CBFA2T2: variants seen among roughly 807,000 people sequenced by gnomAD.
The protein encoded by CBFA2T2 is protein CBFA2T2.
In CBFA2T2, 11 loss-of-function variants were observed where a neutral mutation model predicts 62.2. The observed-to-expected ratio is 0.18, with a 90% CI of 0.11 to 0.29. The LOEUF (loss-of-function observed/expected upper bound fraction) is 0.29, where lower values mean the gene tolerates loss of function less well. Ranked by LOEUF, CBFA2T2 falls within the 10% of genes least tolerant of loss-of-function variation. CBFA2T2 has a pLI of 1.00. For missense variants in CBFA2T2, 592 were observed against 774.1 expected (o/e 0.76, Z 2.79); for synonymous variants, 295 against 287.5 (o/e 1.03, Z -0.27).
intron 1 of CBFA2T2, among the ~76,000 whole-genome samples, chr20:33,538,478 T>TCTA (rs2146876102): frequency 6.6e-6 from 1 of 152,246 alleles, no homozygotes; most frequent in South Asian, 2.1e-4. Flanking sequence ...TTCAAGCAAT[T>TCTA]CTACTGCCTC....
At chr20:33,628,527 G>A in intron 7 of CBFA2T2, 92 bp downstream of exon 7, 1 of 861,678 alleles carries the variant, frequency 1.2e-6, no homozygotes. Context: ...GGAGTGCAGT[G>A]GTATGATCTC....
At chr20:33,627,543 A>G (rs1382185712) in intron 6 of CBFA2T2, among the ~76,000 whole-genome samples, 5 of 152,244 alleles carry the variant, frequency 3.3e-5, no homozygotes, top group East Asian at 1.9e-4. Flanking sequence ...GGGTCTCACT[A>G]TATTGCCCAA....
chr20:33,526,541 C>T (rs1001486498), intron 1 of CBFA2T2, among the ~76,000 whole-genome samples: 3 of 152,146 alleles, frequency 2.0e-5, no homozygotes, highest in Non-Finnish European at 4.4e-5. Context: ...CCACTATAAA[C>T]ATTTGTTTAC....
chr20:33,608,103 G>A (rs141082383), intron 2 of CBFA2T2, among the ~76,000 whole-genome samples: 2 of 152,148 alleles, frequency 1.3e-5, no homozygotes, highest in African/African-American at 2.4e-5. Flanking sequence ...GAATTTCCAC[G>A]TGCCCTGTAA....
At chr20:33,572,612 T>G (rs2013617735) in intron 1 of CBFA2T2, among the ~76,000 whole-genome samples, 1 of 152,170 alleles carries the variant, frequency 6.6e-6, no homozygotes, top group Admixed American at 6.5e-5. Context: ...AATATTCCAG[T>G]GCAAAGGCTC....
In CBFA2T2 at chr20:33,634,670, C is replaced by CAAAAAA. The variant is rs758089440; in HGVS notation, c.1229-1949_1229-1944dup. The stretch of plus-strand genomic sequence containing the variant: ...GGGCAACAGAGCAAGACCCTATGTC[C>CAAAAAA]AAAAAAAAAAAAAAAAAAAAAAAAA... On this transcript the variant is annotated intron_variant, in intron 8 of 10. Coordinates refer to ENST00000342704, the MANE Select transcript of CBFA2T2 (RefSeq NM_001032999.3). 1.9e-4 allele frequency among the ~76,000 whole-genome samples: 9 copies of CAAAAAA among 47,918 alleles called. 1 individual carries two copies. The highest frequency in any genetic ancestry group is 2.7e-4 in the African/African-American group (5 of 18,830). The allele number at this position is 47,918 out of a possible 152,430, so 31.4% of individuals were successfully genotyped here.
chr20:33,554,672 T>C (rs1201389930), intron 1 of CBFA2T2, among the ~76,000 whole-genome samples: 2 of 139,122 alleles, frequency 1.4e-5, no homozygotes, highest in Non-Finnish European at 3.1e-5. Context: ...AGTGGAGTGA[T>C]CTCAGCCTCC....
At chr20:33,502,016 C>G (rs1477136397) in intron 1 of CBFA2T2, among the ~76,000 whole-genome samples, 1 of 152,160 alleles carries the variant, frequency 6.6e-6, no homozygotes, top group Non-Finnish European at 1.5e-5. Context: ...TCTCAAACTC[C>G]TGGGCTCAAG....
intron 1 of CBFA2T2, among the ~76,000 whole-genome samples, chr20:33,514,459 G>C (rs151230831): frequency 6.6e-6 from 1 of 151,806 alleles, no homozygotes. Flanking sequence ...AGCGGGTGTT[G>C]AGGCCCTGAG....
At chr20:33,536,048 A>T (rs1455017033) in intron 1 of CBFA2T2, among the ~76,000 whole-genome samples, 1 of 152,234 alleles carries the variant, frequency 6.6e-6, no homozygotes, top group Non-Finnish European at 1.5e-5. Flanking sequence ...GAACAAAATG[A>T]AAAGTCTCAC....
At position 33,491,165 on chromosome 20, in the gene CBFA2T2, C is replaced by T. The variant is rs534394569; in HGVS notation, c.34+864C>T. 2.4e-3 allele frequency among the ~76,000 whole-genome samples: 371 copies of T among 152,160 alleles called. 2 individuals carry two copies. The Middle Eastern group carries it at 0.034, about 14-fold the overall frequency. On this transcript the variant is annotated intron_variant, in intron 1 of 10. Coordinates refer to ENST00000342704, the MANE Select transcript of CBFA2T2 (RefSeq NM_001032999.3). ...GAACAATAAAATTTTAATTGTTTTT[C>T]ATTATTGTAATTATAATAGCCAACA...
At chr20:33,617,798 G>A (rs2015765996) in intron 3 of CBFA2T2, among the ~76,000 whole-genome samples, 1 of 152,122 alleles carries the variant, frequency 6.6e-6, no homozygotes, top group Admixed American at 6.5e-5. Context: ...GTGGGAAAGT[G>A]TTCAAACATT....
chr20:33,539,113 G>A (rs949140298), intron 1 of CBFA2T2, among the ~76,000 whole-genome samples: 1 of 152,178 alleles, frequency 6.6e-6, no homozygotes, highest in Non-Finnish European at 1.5e-5. Context: ...CAGAGTTGAG[G>A]TTCGGAAATT....
At chr20:33,536,494 C>T (rs1359237732) in intron 1 of CBFA2T2, among the ~76,000 whole-genome samples, 27 of 151,304 alleles carry the variant, frequency 1.8e-4, no homozygotes, top group African/African-American at 6.1e-4. Flanking sequence ...ACCTCCCTCC[C>T]GGACGGGGTG....
chr20:33,524,251 T>A (rs2011819850), intron 1 of CBFA2T2, among the ~76,000 whole-genome samples: 1 of 152,158 alleles, frequency 6.6e-6, no homozygotes, highest in South Asian at 2.1e-4. Context: ...AAATCAACAC[T>A]GATTGTTACC....
intron 10 of CBFA2T2, among the ~76,000 whole-genome samples, chr20:33,641,361 G>A (rs1436054494): frequency 6.6e-6 from 1 of 152,180 alleles, no homozygotes; most frequent in African/African-American, 2.4e-5. Flanking sequence ...AGGATCCAGG[G>A]CCCAGGACTT....
chr20:33,513,080 T>A (rs957366015), intron 1 of CBFA2T2, among the ~76,000 whole-genome samples: 1 of 152,046 alleles, frequency 6.6e-6, no homozygotes, highest in East Asian at 1.9e-4. Flanking sequence ...GTTGGGTGTA[T>A]GCCTAGGAAT....
intron 9 of CBFA2T2, 96 bp downstream of exon 9, chr20:33,636,804 G>A: frequency 1.1e-6 from 1 of 895,892 alleles, no homozygotes; most frequent in Non-Finnish European, 1.8e-6. Context: ...GGGTCCTTTG[G>A]TTGTATAATA....
chr20:33,539,102 T>A (rs2012342317), intron 1 of CBFA2T2, among the ~76,000 whole-genome samples: 1 of 152,216 alleles, frequency 6.6e-6, no homozygotes, highest in African/African-American at 2.4e-5. Context: ...GGAGAGAGCA[T>A]CAGAGTTGAG....
Sources: gnomAD v4.1 joint callset for allele counts (sites outside exome capture counted in the v4.1 genomes callset) on GRCh38, gnomAD v4.1.1 for gene constraint, MANE v1.5 for transcripts, NCBI Gene and HGNC (gene_info 2026-07-23, HGNC 2026-07-21) for gene names.